The following ABCC8 variants were observed in gnomAD, a reference collection of about 807,000 sequenced individuals.
ABCC8 encodes ATP binding cassette subfamily C member 8, also known as ATP-binding cassette sub-family C member 8.
In ABCC8, 137 loss-of-function variants were observed where a neutral mutation model predicts 188.0. That is an observed-to-expected ratio of 0.73 (90% CI 0.63 to 0.84). ABCC8 has a LOEUF of 0.84. ABCC8 is among the 40% of genes least tolerant of loss of function. The probability of loss-of-function intolerance (pLI) is 0.00; values close to 1 mark genes in which losing one functional copy is unlikely to be tolerated. For synonymous variants in ABCC8, 797 were observed against 846.5 expected, an observed-to-expected ratio of 0.94 and a Z score of 1.01; for missense variants, 1,750 against 2,072.7, an observed-to-expected ratio of 0.84 and a Z score of 3.02.
rs779938862 is a variant in ABCC8, at chr11:17,404,006, G to T, written c.3557+506C>A. Among the ~76,000 whole-genome samples the T allele has an allele frequency of 6.6e-6, 1 of 152,182 alleles. No homozygotes were observed. Among genetic ancestry groups the T allele is most frequent in the Non-Finnish European group, 1.5e-5 (1 of 68,022 alleles). On this transcript the variant is annotated intron_variant, in intron 28 of 38. Transcript: ENST00000389817. The surrounding 1 kb of genome is among the most constrained non-coding windows in gnomAD (Gnocchi z 4.7). ...AGAAAATTTTGAGGAGGAAAGAGGC[G>T]TGCATGGATCCAAAGCTCATGAGGG... is the stretch of plus-strand genomic sequence containing the variant.
rs778678067 is a variant in ABCC8, at chr11:17,431,432, A to C, written c.1672-473T>G. Among the ~76,000 whole-genome samples, 23 of 152,200 alleles carry C rather than the reference A, an allele frequency of 1.5e-4. No homozygotes were observed. Among genetic ancestry groups the C allele is most frequent in the African/African-American group, 5.3e-4 (22 of 41,450 alleles). On this transcript the variant is annotated intron_variant, in intron 11 of 38. Transcript: ENST00000389817. ...GCCAGGCCAGGAACCAGCTCAATAC[A>C]TCACATTGGAAGTGAATTCCCAAGT... is the stretch of plus-strand genomic sequence containing the variant.
At chr11:17,418,708 T>G (rs1356818039) in intron 16 of ABCC8, among the ~76,000 whole-genome samples, 1 of 152,108 alleles carries the variant, frequency 6.6e-6, no homozygotes, top group Non-Finnish European at 1.5e-5. Flanking sequence ...TGCAACATGG[T>G]CTGCACTGCT....
At chr11:17,394,233 G>A in intron 37 of ABCC8, 33 bp downstream of exon 37, 1 of 1,608,292 alleles carries the variant, frequency 6.2e-7, no homozygotes, top group Non-Finnish European at 8.5e-7. Context: ...CCCTTTCCAA[G>A]ACCATGGTCC....
intron 23 of ABCC8, among the ~76,000 whole-genome samples, chr11:17,407,821 G>C (rs745545669): frequency 2.6e-5 from 4 of 152,196 alleles, no homozygotes; most frequent in Non-Finnish European, 4.4e-5. Context: ...GTGAGACTCA[G>C]CCCTGGGACT....
At chr11:17,462,005 C>T (rs1245489032) in intron 4 of ABCC8, 180 bp from the exon 5 acceptor site, 1 of 701,112 alleles carries the variant, frequency 1.4e-6, no homozygotes, top group Admixed American at 6.3e-5. Context: ...CCACCAATGT[C>T]AGGGCATCCT....
At chr11:17,437,587 A>G (rs748655735) in intron 10 of ABCC8, among the ~76,000 whole-genome samples, 7 of 152,210 alleles carry the variant, frequency 4.6e-5, no homozygotes, top group Non-Finnish European at 8.8e-5. Flanking sequence ...TCCAATAGTC[A>G]GTGCAGTCAA....
At chr11:17,403,451 A>G (rs1462880255) in intron 28 of ABCC8, among the ~76,000 whole-genome samples, 1 of 152,112 alleles carries the variant, frequency 6.6e-6, no homozygotes, top group African/African-American at 2.4e-5. Flanking sequence ...CTTGTGCAGC[A>G]CTTTGAATTT....
At chr11:17,465,337 C>T (rs1848084943) in intron 3 of ABCC8, 1 of 152,234 alleles carries the variant, frequency 6.6e-6, no homozygotes, top group South Asian at 2.1e-4. Flanking sequence ...GTCCCTAACA[C>T]TTAACAGATA....
rs1955164560 is a variant in ABCC8 at position 17,417,979 on chromosome 11, A to G, written c.2223-1017T>C. Among the ~76,000 whole-genome samples the G allele has an allele frequency of 2.0e-5, 3 of 148,724 alleles. No individual in the cohort carries two copies. The South Asian group carries it at 6.4e-4, about 32-fold the overall frequency. ...CCTATGTTGCCCAGGCTGGTCTCCAACTCCTGGGCTCAAGCGATCCTCCAG... is the reference window on the plus strand; with the variant it reads ...CCTATGTTGCCCAGGCTGGTCTCCAGCTCCTGGGCTCAAGCGATCCTCCAG... On this transcript the variant is annotated intron_variant, in intron 16 of 38. Coordinates refer to ENST00000389817, the MANE Select transcript of ABCC8 (RefSeq NM_000352.6).
intron 23 of ABCC8, 51 bp downstream of exon 23, chr11:17,408,341 A>G (rs560161534): frequency 1.3e-6 from 2 of 1,557,320 alleles, no homozygotes; most frequent in African/African-American, 2.7e-5. Flanking sequence ...AGGTTCTAGC[A>G]GAACCTTTGC....
intron 26 of ABCC8, 125 bp downstream of exon 26, chr11:17,406,497 G>A (rs1954530500): frequency 9.5e-7 from 1 of 1,054,622 alleles, no homozygotes; most frequent in South Asian, 1.6e-5. Flanking sequence ...TACACACACT[G>A]TCTCCTTGAG....
At chr11:17,439,750 T>G (rs1160534226) in intron 10 of ABCC8, among the ~76,000 whole-genome samples, 1 of 152,216 alleles carries the variant, frequency 6.6e-6, no homozygotes, top group Non-Finnish European at 1.5e-5. Flanking sequence ...CAACCTGGGC[T>G]GCTCTGTTTC....
chr11:17,451,412 A>C (rs1956811537), intron 7 of ABCC8, among the ~76,000 whole-genome samples: 1 of 152,226 alleles, frequency 6.6e-6, no homozygotes, highest in Non-Finnish European at 1.5e-5. Context: ...CTGCTTTCCC[A>C]GTGAGAAACC....
At chr11:17,451,071 A>C (rs1220338588) in intron 7 of ABCC8, among the ~76,000 whole-genome samples, 1 of 152,212 alleles carries the variant, frequency 6.6e-6, no homozygotes, top group East Asian at 1.9e-4. Context: ...GAAAGATTCA[A>C]GCAATTTGAT....
rs889834466 is a variant in ABCC8, at chr11:17,397,917, C to T, written c.3754-120G>A. ...CCAGGCCTCCACTCCAGCCCTGCAA[C>T]TCATGCACACGTCACCAGACACACA... On this transcript the variant is annotated intron_variant, in intron 30 of 38. Coordinates refer to ENST00000389817, the MANE Select transcript of ABCC8 (RefSeq NM_000352.6). 12 of 1,519,538 alleles carry T rather than the reference C, an allele frequency of 7.9e-6. No homozygotes were observed. In the Admixed American group the frequency reaches 1.4e-4, roughly 18 times the overall value. 94.1% of individuals were successfully genotyped at this position (1,519,538 alleles called of 1,614,324 possible). A position where few individuals can be genotyped will look rare whatever the true frequency, so the allele number is the denominator to read the frequency against.
chr11:17,453,048 GAA>G, intron 7 of ABCC8, 69 bp downstream of exon 7: 3 of 1,311,522 alleles, frequency 2.3e-6, no homozygotes, highest in Non-Finnish European at 3.3e-6. Flanking sequence ...CCATGAGGAT[GAA>G]TAACACTCAT....
chr11:17,420,720 G>T (rs139379131), intron 16 of ABCC8, among the ~76,000 whole-genome samples: 126 of 152,316 alleles, frequency 8.3e-4, no homozygotes, highest in African/African-American at 2.9e-3. Flanking sequence ...TCCCCACGCT[G>T]ATCCTTTCCT....
chr11:17,428,532 G>A, intron 13 of ABCC8, 33 bp downstream of exon 13: 2 of 1,613,510 alleles, frequency 1.2e-6, no homozygotes, highest in Non-Finnish European at 1.7e-6. Flanking sequence ...AGAGGACCAT[G>A]CTGGGAGTAG....
chr11:17,407,578 G>A lies in ABCC8; in HGVS notation c.2821-125C>T. The A allele has an allele frequency of 2.0e-6, 3 of 1,494,898 alleles. No homozygotes were observed. In the South Asian group the frequency reaches 3.6e-5, roughly 18 times the overall value. 92.6% of individuals were successfully genotyped at this position (1,494,898 alleles called of 1,614,324 possible). On this transcript the variant is annotated intron_variant, in intron 23 of 38. Coordinates refer to ENST00000389817, the MANE Select transcript of ABCC8 (RefSeq NM_000352.6). The stretch of plus-strand genomic sequence containing the variant: ...ATTTCTACTTTGTCCCTGCCTGAGG[G>A]AGGGGCAGACAGACACACATTCATC...
Sources: allele counts gnomAD v4.1 joint callset (sites outside exome capture counted in the v4.1 genomes callset), GRCh38; gene constraint gnomAD v4.1.1; non-coding constraint Gnocchi (gnomAD v3.1); transcripts MANE v1.5; gene names NCBI Gene and HGNC (gene_info 2026-07-23, HGNC 2026-07-21).